The following CKAP5 variants were observed in gnomAD, a reference collection of about 807,000 sequenced individuals.
CKAP5 encodes cytoskeleton associated protein 5, also known as cytoskeleton-associated protein 5.
In CKAP5, 27 loss-of-function variants were observed where a neutral mutation model predicts 232.8. The observed-to-expected ratio is 0.12, with a 90% CI of 0.09 to 0.16. The LOEUF (loss-of-function observed/expected upper bound fraction) is 0.16, where lower values mean the gene tolerates loss of function less well. Ranked by LOEUF, CKAP5 falls within the 10% of genes least tolerant of loss-of-function variation. The pLI is 1.00. For synonymous variants in CKAP5, 785 were observed against 841.1 expected, an observed-to-expected ratio of 0.93 and a Z score of 1.16; for missense variants, 1,838 against 2,424.7, an observed-to-expected ratio of 0.76 and a Z score of 5.08.
At chr11:46,790,381 G>A (rs761227765) in intron 14 of CKAP5, 89 bp downstream of exon 14, 44 of 1,002,628 alleles carry the variant, frequency 4.4e-5, no homozygotes, top group Non-Finnish European at 6.4e-5. Flanking sequence ...TTAACTGTAC[G>A]TTGTAGAACC....
chr11:46,796,000 C>G (rs973473446), intron 12 of CKAP5, among the ~76,000 whole-genome samples: 11 of 151,862 alleles, frequency 7.2e-5, no homozygotes, highest in African/African-American at 2.7e-4. Context: ...CCCATCTCTA[C>G]TAAAAATAAA....
At chr11:46,768,279 C>G (rs754050313) in intron 26 of CKAP5, among the ~76,000 whole-genome samples, 7 of 152,202 alleles carry the variant, frequency 4.6e-5, no homozygotes, top group Non-Finnish European at 8.8e-5. Context: ...CAGCCTTGAC[C>G]TCCCTGGCTA....
chr11:46,760,934 C>T, intron 32 of CKAP5, 150 bp from the exon 33 acceptor site: 1 of 686,626 alleles, frequency 1.5e-6, no homozygotes, highest in Non-Finnish European at 2.4e-6. Flanking sequence ...TGCCTAGCTG[C>T]TATAGGAAGA....
At chr11:46,791,348 T>A (rs1392456173) in intron 13 of CKAP5, among the ~76,000 whole-genome samples, 5 of 150,574 alleles carry the variant, frequency 3.3e-5, no homozygotes, top group African/African-American at 1.2e-4. Context: ...CTCCTGGGCT[T>A]AAGCGAGCCT....
At chr11:46,747,814 C>T (rs1157890629) in intron 42 of CKAP5, among the ~76,000 whole-genome samples, 2 of 151,908 alleles carry the variant, frequency 1.3e-5, no homozygotes, top group Non-Finnish European at 2.9e-5. Flanking sequence ...AATCCCAGAA[C>T]TTTGGGAGGC....
chr11:46,813,296 G>A (rs1939317568), intron 4 of CKAP5, among the ~76,000 whole-genome samples: 4 of 151,926 alleles, frequency 2.6e-5, no homozygotes, highest in Admixed American at 2.6e-4. Context: ...TTTTGTTTTA[G>A]GGATATTTAA....
At chr11:46,760,056 G>C (rs1200154315) in intron 33 of CKAP5, among the ~76,000 whole-genome samples, 1 of 152,216 alleles carries the variant, frequency 6.6e-6, no homozygotes, top group African/African-American at 2.4e-5. Flanking sequence ...GTCTTGCTTA[G>C]GAGGCAGTAT....
At chr11:46,836,044 A>G (rs1939910991) in intron 1 of CKAP5, among the ~76,000 whole-genome samples, 1 of 152,238 alleles carries the variant, frequency 6.6e-6, no homozygotes, top group South Asian at 2.1e-4. Context: ...AAAACAACTG[A>G]CTAGTACTCC....
At position 46,750,401 on chromosome 11, in the gene CKAP5, TTTC is replaced by T; in HGVS notation, c.5574_5576del (p.Lys1859del). ...ATGGTTCAATGTCAGCATCTGAGTA[TTTC>T]TTCTTATATTCATATAACTCTGCTA... On this transcript the variant is annotated inframe_deletion, in exon 42 of 44. Coordinates refer to ENST00000529230, the MANE Select transcript of CKAP5 (RefSeq NM_001008938.4). The T allele has an allele frequency of 6.2e-7, 1 of 1,614,174 alleles. No homozygotes were observed. The highest frequency in any genetic ancestry group is 8.5e-7 in the Non-Finnish European group (1 of 1,180,004).
At chr11:46,826,769 G>A (rs574596200) in intron 1 of CKAP5, 92 of 153,600 alleles carry the variant, frequency 6.0e-4, no homozygotes, top group Admixed American at 1.3e-3. Flanking sequence ...TACGCTCCCC[G>A]GGCAGGGAGA....
intron 4 of CKAP5, among the ~76,000 whole-genome samples, chr11:46,814,463 C>G (rs1380805353): frequency 1.3e-5 from 2 of 152,176 alleles, no homozygotes; most frequent in African/African-American, 2.4e-5. Context: ...TATACTTTCA[C>G]AGAAGATAAA....
chr11:46,810,792 T>C (rs1218208127), intron 5 of CKAP5, among the ~76,000 whole-genome samples: 3 of 152,098 alleles, frequency 2.0e-5, no homozygotes, highest in Admixed American at 2.0e-4. Flanking sequence ...CCAAAACCAA[T>C]TGTAATAAAA....
chr11:46,821,421 C>CTTT (rs369366613), intron 1 of CKAP5, among the ~76,000 whole-genome samples, 153 bp from the exon 2 acceptor site: 9,794 of 105,040 alleles, frequency 0.093, 1,431 homozygotes, highest in Non-Finnish European at 0.1. Flanking sequence ...ATTAACAGGA[C>CTTT]TTTTTTTTTT....
intron 1 of CKAP5, among the ~76,000 whole-genome samples, chr11:46,824,614 A>C (rs1362827897): frequency 6.6e-6 from 1 of 152,222 alleles, no homozygotes; most frequent in African/African-American, 2.4e-5. Context: ...TGTAAAATAC[A>C]ATAAAAATTA....
At position 46,763,076 on chromosome 11, in the gene CKAP5, G is replaced by A; in HGVS notation, c.3791C>T (p.Ala1264Val). 6.2e-7 allele frequency: 1 copy of A among 1,612,946 alleles called. No homozygotes were observed. The highest frequency in any genetic ancestry group is 8.5e-7 in the Non-Finnish European group (1 of 1,178,980). Reference sequence around the variant, plus strand: ...GAAGAGCAATTTTAAATATTCTAGTGCTTTCATCAGGACGCTTGTATTGGT... The same window carrying A: ...GAAGAGCAATTTTAAATATTCTAGTACTTTCATCAGGACGCTTGTATTGGT... ...FDTNTSVLMK[A>V]LEYLKLLFTL... The change falls in exon 30 of 44, where the codon GCA becomes GTA. Residue 1264 changes from alanine to valine, a missense_variant. By Grantham distance (64) the Ala-to-Val change is moderately conservative (BLOSUM62 0). Coordinates refer to ENST00000529230, the MANE Select transcript of CKAP5 (RefSeq NM_001008938.4).
chr11:46,799,630 C>G (rs1353262292), intron 9 of CKAP5, among the ~76,000 whole-genome samples: 1 of 152,174 alleles, frequency 6.6e-6, no homozygotes, highest in Non-Finnish European at 1.5e-5. Flanking sequence ...ACCAGGACAA[C>G]AAACTGAAAC....
chr11:46,817,940 T>G (rs1252327931), intron 3 of CKAP5, among the ~76,000 whole-genome samples: 3 of 152,252 alleles, frequency 2.0e-5, no homozygotes, highest in Non-Finnish European at 4.4e-5. Flanking sequence ...AATGCCCAAA[T>G]GTCTTCAGTG....
At chr11:46,819,717 C>T (rs955847855) in intron 2 of CKAP5, among the ~76,000 whole-genome samples, 10 of 151,948 alleles carry the variant, frequency 6.6e-5, no homozygotes, top group African/African-American at 2.4e-4. Context: ...AGGTGCTATG[C>T]TCACAGAAAA....
chr11:46,838,840 G>A (rs376248547), intron 1 of CKAP5, among the ~76,000 whole-genome samples: 6 of 139,226 alleles, frequency 4.3e-5, no homozygotes, highest in Admixed American at 7.2e-5. Flanking sequence ...CACCATTGTC[G>A]CAACATTTTT....
Sources: allele counts gnomAD v4.1 joint callset (sites outside exome capture counted in the v4.1 genomes callset), GRCh38; gene constraint gnomAD v4.1.1; transcripts MANE v1.5; gene names NCBI Gene and HGNC (gene_info 2026-07-23, HGNC 2026-07-21).